Variants in DNAH6 observed in about 807,000 individuals in gnomAD.
The protein encoded by DNAH6 is axonemal beta dynein heavy chain 6.
A neutral mutation model predicts 491.4 loss-of-function variants in DNAH6; 340 were observed. The observed-to-expected ratio is 0.69, with a 90% CI of 0.63 to 0.76. DNAH6 has a LOEUF of 0.76. Among genes scored for constraint, DNAH6 ranks in the 30% least tolerant of loss-of-function variants. The pLI is 0.00. For missense variants in DNAH6, 4,443 were observed against 4,972.2 expected, an observed-to-expected ratio of 0.89 and a Z score of 3.20; for synonymous variants, 1,603 against 1,686.1, an observed-to-expected ratio of 0.95 and a Z score of 1.21.
intron 68 of DNAH6, among the ~76,000 whole-genome samples, chr2:84,790,394 A>G (rs1449691576): frequency 6.6e-6 from 1 of 152,236 alleles, no homozygotes; most frequent in Non-Finnish European, 1.5e-5. Context: ...ATTGGACTTC[A>G]TCAACATCTA....
intron 37 of DNAH6, among the ~76,000 whole-genome samples, chr2:84,668,930 G>A (rs1007360017): frequency 3.3e-5 from 5 of 151,842 alleles, no homozygotes; most frequent in Non-Finnish European, 5.9e-5. Context: ...GTCCCTCAGG[G>A]GGATTACCAG....
intron 4 of DNAH6, among the ~76,000 whole-genome samples, chr2:84,533,392 A>G (rs967633376): frequency 1.1e-4 from 17 of 152,122 alleles, no homozygotes; most frequent in African/African-American, 4.1e-4. Flanking sequence ...GACCATTTCT[A>G]TGATTTTAGG....
chr2:84,610,166 G>T (rs1314369684), intron 21 of DNAH6, among the ~76,000 whole-genome samples: 2 of 152,064 alleles, frequency 1.3e-5, no homozygotes, highest in Non-Finnish European at 2.9e-5. Context: ...ATCTCTTGCT[G>T]GCACTCAGCT....
At chr2:84,694,574 G>C (rs1425377230) in intron 46 of DNAH6, 94 bp downstream of exon 46, 2 of 873,904 alleles carry the variant, frequency 2.3e-6, no homozygotes, top group African/African-American at 3.4e-5. Context: ...TGAAGTTCAA[G>C]GGGATTGTTC....
Position 84,653,605 on chromosome 2 carries a change from T to A in DNAH6, c.5365T>A (p.Tyr1789Asn). The change falls in exon 34 of 77, where the codon TAT (tyrosine) becomes AAT (asparagine). Residue 1789 changes from tyrosine (Y) to asparagine (N), a missense_variant. Around this residue, in one of 3 missense-constraint regions of DNAH6, gnomAD observed 2,977 missense variants for 3,296.6 expected, o/e 0.90. Coordinates refer to ENST00000389394, the MANE Select transcript of DNAH6 (RefSeq NM_001370.2). Reference sequence around the variant, plus strand: ...TTCCTTTTACCAAGCAGTTAAAACATATGTTCTCAACCCTAAATCAATTAC... The same window carrying A: ...TTCCTTTTACCAAGCAGTTAAAACAAATGTTCTCAACCCTAAATCAATTAC... ...ENSFYQAVKT[Y>N]VLNPKSITMG... 1 of 1,551,354 alleles carries A rather than the reference T, an allele frequency of 6.4e-7. No homozygotes were observed. Among genetic ancestry groups the A allele is most frequent in the South Asian group, 1.2e-5 (1 of 84,054 alleles).
chr2:84,501,236 G>A, the DNAH6 span, among the ~76,000 whole-genome samples: 1 of 152,126 alleles, frequency 6.6e-6, no homozygotes, highest in Non-Finnish European at 1.5e-5. Flanking sequence ...TATCATGAAG[G>A]GATGTTGAAT....
At chr2:84,484,699 T>C in the DNAH6 span, among the ~76,000 whole-genome samples, 2 of 152,148 alleles carry the variant, frequency 1.3e-5, no homozygotes, top group African/African-American at 2.4e-5. Context: ...TCCAATTAGA[T>C]TGGGCCTACA....
chr2:84,776,797 A>G (rs1341782731), intron 64 of DNAH6, among the ~76,000 whole-genome samples: 1 of 152,266 alleles, frequency 6.6e-6, no homozygotes, highest in East Asian at 1.9e-4. Flanking sequence ...ATGCACACAT[A>G]TGTTTATTGC....
intron 42 of DNAH6, among the ~76,000 whole-genome samples, chr2:84,682,098 T>C (rs1017733715): frequency 6.6e-6 from 1 of 152,202 alleles, no homozygotes; most frequent in Non-Finnish European, 1.5e-5. Context: ...TGGTCTCTCC[T>C]CCCTGTCTCA....
At chr2:84,707,491 A>T in intron 53 of DNAH6, 29 bp from the exon 54 acceptor site, 1 of 1,516,094 alleles carries the variant, frequency 6.6e-7, no homozygotes, top group Non-Finnish European at 8.9e-7. Flanking sequence ...ATTTAATAGT[A>T]TAATCTGATT....
intron 59 of DNAH6, among the ~76,000 whole-genome samples, chr2:84,721,598 A>G (rs1698167260): frequency 1.3e-5 from 2 of 152,214 alleles, no homozygotes; most frequent in Admixed American, 1.3e-4. Context: ...AAGAAACAAA[A>G]TATCTCAGTA....
intron 18 of DNAH6, among the ~76,000 whole-genome samples, chr2:84,602,365 G>A (rs940653963): frequency 6.6e-6 from 1 of 151,046 alleles, no homozygotes; most frequent in Non-Finnish European, 1.5e-5. Flanking sequence ...TGAGACAACA[G>A]TTTTTGTTTC....
intron 13 of DNAH6, among the ~76,000 whole-genome samples, chr2:84,579,021 T>G (rs542287290): frequency 1.3e-5 from 2 of 152,216 alleles, no homozygotes; most frequent in Non-Finnish European, 2.9e-5. Flanking sequence ...TGCTGAACTG[T>G]GAGTCAATTA....
Position 84,781,149 on chromosome 2 carries a change from G to A in DNAH6, c.10704-344G>A, listed in dbSNP as rs369994442. Among the ~76,000 whole-genome samples the A allele has an allele frequency of 7.9e-5, 12 of 152,196 alleles. 1 individual carries two copies. The East Asian group carries it at 9.6e-4, about 12-fold the overall frequency. The stretch of plus-strand genomic sequence containing the variant: ...GATCTATAGTGTTGTTAGAAGTTAG[G>A]ATAATGATTACCTGTGGGAAGAAGG... On this transcript the variant is annotated intron_variant, in intron 64 of 76. Transcript: ENST00000389394.
At chr2:84,807,659 G>A (rs779528588) in intron 71 of DNAH6, among the ~76,000 whole-genome samples, 3 of 152,168 alleles carry the variant, frequency 2.0e-5, no homozygotes, top group Non-Finnish European at 2.9e-5. Context: ...TCTCTGGAAT[G>A]TTCCTTGTCT....
At chr2:84,690,966 T>C (rs1694796614) in intron 45 of DNAH6, among the ~76,000 whole-genome samples, 1 of 152,248 alleles carries the variant, frequency 6.6e-6, no homozygotes, top group African/African-American at 2.4e-5. Flanking sequence ...TCAGAGCCTG[T>C]GCTTTCAAAG....
At chr2:84,571,590 G>A (rs1681876359) in intron 11 of DNAH6, among the ~76,000 whole-genome samples, 1 of 152,020 alleles carries the variant, frequency 6.6e-6, no homozygotes, top group Non-Finnish European at 1.5e-5. Context: ...GGTCATGCAA[G>A]GCAAAGAAAG....
At chr2:84,591,764 A>G (rs1251350625) in intron 16 of DNAH6, among the ~76,000 whole-genome samples, 1 of 152,206 alleles carries the variant, frequency 6.6e-6, no homozygotes, top group African/African-American at 2.4e-5. Flanking sequence ...ATTCAGACAT[A>G]TAGACCAATG....
chr2:84,730,761 A>T (rs922286019), intron 61 of DNAH6, among the ~76,000 whole-genome samples: 5 of 152,174 alleles, frequency 3.3e-5, no homozygotes. Flanking sequence ...CTTTACATGA[A>T]ATCTATTTCC....
Sources: gnomAD v4.1 joint callset for allele counts (sites outside exome capture counted in the v4.1 genomes callset) on GRCh38, gnomAD v4.1.1 for gene constraint, gnomAD v4.1.1 regional missense constraint, MANE v1.5 for transcripts, NCBI Gene and HGNC (gene_info 2026-07-23, HGNC 2026-07-21) for gene names.